Variants in ATP7B observed in about 807,000 individuals in gnomAD.
ATP7B encodes copper-transporting ATPase 2.
In ATP7B, 113 loss-of-function variants were observed where a neutral mutation model predicts 118.9. That is an observed-to-expected ratio of 0.95 (90% CI 0.82 to 1.11). The LOEUF is 1.11. ATP7B is among the 50% of genes most tolerant of loss of function. The probability of loss-of-function intolerance (pLI) is 0.00; values close to 1 mark genes in which losing one functional copy is unlikely to be tolerated. For synonymous variants in ATP7B, 777 were observed against 727.4 expected, an observed-to-expected ratio of 1.07 and a Z score of -1.10; for missense variants, 1,867 against 1,871.4, an observed-to-expected ratio of 1.00 and a Z score of 0.04.
intron 1 of ATP7B, among the ~76,000 whole-genome samples, chr13:51,979,548 T>A (rs1024699228): frequency 2.0e-5 from 3 of 152,186 alleles, no homozygotes; most frequent in African/African-American, 7.2e-5. Context: ...GTAGTTGGTG[T>A]TAATTAAATA....
At position 51,942,422 on chromosome 13, in the gene ATP7B, G is replaced by A. The variant is rs373698024; in HGVS notation, c.3376C>T (p.His1126Tyr). 55 of 1,614,092 alleles carry A rather than the reference G, an allele frequency of 3.4e-5. No homozygotes were observed. The highest frequency in any genetic ancestry group is 1.0e-4 in the Admixed American group (6 of 60,002). The stretch of plus-strand genomic sequence containing the variant: ...GGAAGGCTGCCAGCCTCATTCAGGT[G>A]ACTGGCCGGTGCACTCAAAGGGCGC... ...SERPLSAPAS[H>Y]LNEAGSLPAE... Residue 1126 changes from histidine to tyrosine, a missense_variant, in exon 15 of 21, where the codon CAC becomes TAC. Coordinates refer to ENST00000242839, the MANE Select transcript of ATP7B (RefSeq NM_000053.4).
chr13:51,945,118 G>A (rs2138993514), intron 13 of ATP7B, among the ~76,000 whole-genome samples: 1 of 152,192 alleles, frequency 6.6e-6, no homozygotes, highest in East Asian at 1.9e-4. Context: ...TTCCTCCAGG[G>A]ATTCTTGCCA....
At chr13:51,966,691 T>C in intron 4 of ATP7B, 2 of 1,433,098 alleles carry the variant, frequency 1.4e-6, no homozygotes, top group Non-Finnish European at 9.6e-7. Context: ...CACAGCATGC[T>C]GCCATGCCGA....
chr13:51,991,385 G>T (rs1952901278), intron 1 of ATP7B, among the ~76,000 whole-genome samples: 1 of 152,054 alleles, frequency 6.6e-6, no homozygotes, highest in African/African-American at 2.4e-5. Flanking sequence ...AGGCTAGGGT[G>T]GGAGGATCAC....
intron 1 of ATP7B, chr13:51,975,683 T>A (rs1255916122): frequency 2.7e-5 from 12 of 449,396 alleles, no homozygotes; most frequent in South Asian, 6.3e-5. Flanking sequence ...GTCTGTCTGA[T>A]TATCTTAGCA....
intron 7 of ATP7B, 95 bp downstream of exon 7, chr13:51,960,053 C>T: frequency 6.7e-7 from 1 of 1,494,162 alleles, no homozygotes; most frequent in African/African-American, 1.4e-5. Context: ...CCATTTAAAC[C>T]AAGCTAAAGC....
chr13:51,993,203 T>C (rs1452619117), intron 1 of ATP7B, among the ~76,000 whole-genome samples: 2 of 152,180 alleles, frequency 1.3e-5, no homozygotes, highest in Admixed American at 6.6e-5. Context: ...TACTTTTTTG[T>C]ATTCTCCTCG....
chr13:52,002,619 T>A (rs1243439920), intron 1 of ATP7B, among the ~76,000 whole-genome samples: 1 of 45,482 alleles, frequency 2.2e-5, no homozygotes, highest in Admixed American at 2.5e-4. Flanking sequence ...GCAAGCCTCA[T>A]GCAAAAGCTG....
chr13:51,954,815 C>G (rs1223739432), intron 9 of ATP7B, among the ~76,000 whole-genome samples: 2 of 152,194 alleles, frequency 1.3e-5, no homozygotes, highest in Admixed American at 1.3e-4. Flanking sequence ...CAGGTAGTCT[C>G]TGGGATCTAG....
intron 1 of ATP7B, among the ~76,000 whole-genome samples, chr13:51,978,613 C>T (rs1019093068): frequency 5.3e-5 from 8 of 152,112 alleles, no homozygotes; most frequent in African/African-American, 1.7e-4. Context: ...CAATAAGAGG[C>T]TAGTTAATTA....
At chr13:52,009,631 T>C (rs1953932144) in intron 1 of ATP7B, among the ~76,000 whole-genome samples, 1 of 152,212 alleles carries the variant, frequency 6.6e-6, no homozygotes, top group South Asian at 2.1e-4. Context: ...CTCCTATTAA[T>C]CTGCCATTTG....
chr13:51,964,770 G>T, intron 5 of ATP7B, 102 bp downstream of exon 5: 1 of 1,405,186 alleles, frequency 7.1e-7, no homozygotes, highest in Non-Finnish European at 9.7e-7. Context: ...AAGAATTTTG[G>T]TTATTTTCAT....
intron 4 of ATP7B, chr13:51,966,654 G>A: frequency 1.8e-6 from 2 of 1,103,198 alleles, no homozygotes; most frequent in Admixed American, 2.3e-5. Flanking sequence ...ATACAGCATG[G>A]TTTTTTTAAA....
intron 9 of ATP7B, among the ~76,000 whole-genome samples, chr13:51,951,177 A>G (rs1175902953): frequency 6.6e-6 from 1 of 152,076 alleles, no homozygotes; most frequent in Non-Finnish European, 1.5e-5. Context: ...CCTGGACTAC[A>G]GAGAGAGGGA....
chr13:51,977,057 G>A (rs1445697539), intron 1 of ATP7B, among the ~76,000 whole-genome samples: 2 of 152,092 alleles, frequency 1.3e-5, no homozygotes, highest in Non-Finnish European at 2.9e-5. Context: ...CAATGCTTTG[G>A]GAGGCCGAGG....
intron 12 of ATP7B, 87 bp downstream of exon 12, chr13:51,949,575 A>C: frequency 6.4e-7 from 1 of 1,553,548 alleles, no homozygotes; most frequent in Non-Finnish European, 8.8e-7. Context: ...ATTAAAGCCC[A>C]GTGAATCTAA....
chr13:52,003,688 C>G (rs895012839), intron 1 of ATP7B, among the ~76,000 whole-genome samples: 3 of 152,046 alleles, frequency 2.0e-5, no homozygotes, highest in African/African-American at 7.2e-5. Flanking sequence ...TGTACTGTCA[C>G]AAGTAGGCAG....
chr13:51,976,860 C>G (rs771129490), intron 1 of ATP7B, among the ~76,000 whole-genome samples: 1 of 152,166 alleles, frequency 6.6e-6, no homozygotes, highest in Non-Finnish European at 1.5e-5. Context: ...ATGAATGGAG[C>G]TTGCAGGACT....
At chr13:51,935,072 C>T (rs753202142) in intron 20 of ATP7B, 43 bp from the exon 21 acceptor site, 6 of 1,610,182 alleles carry the variant, frequency 3.7e-6, no homozygotes, top group South Asian at 2.2e-5. Context: ...ATTCTAGAAA[C>T]AAGGCTTTTT....
Sources: allele counts gnomAD v4.1 joint callset (sites outside exome capture counted in the v4.1 genomes callset), GRCh38; gene constraint gnomAD v4.1.1; transcripts MANE v1.5; gene names NCBI Gene and HGNC (gene_info 2026-07-23, HGNC 2026-07-21).